Variants in EPHA6 observed in about 807,000 individuals in gnomAD.
EPHA6 encodes ephrin type-A receptor 6.
A neutral mutation model predicts 112.0 loss-of-function variants in EPHA6; 50 were observed. The observed-to-expected ratio is 0.45, with a 90% CI of 0.36 to 0.56. EPHA6 has a LOEUF of 0.56. Among genes scored for constraint, EPHA6 ranks in the 20% least tolerant of loss-of-function variants. The pLI, the probability that EPHA6 is intolerant of heterozygous loss-of-function variation, is 0.00. For synonymous variants in EPHA6, 529 were observed against 490.7 expected, an observed-to-expected ratio of 1.08 and a Z score of -1.03; for missense variants, 1,280 against 1,417.4, an observed-to-expected ratio of 0.90 and a Z score of 1.56.
At position 97,286,784 on chromosome 3, in the gene EPHA6, A is replaced by G. The variant is rs537210100; in HGVS notation, c.1606+42497A>G. Among the ~76,000 whole-genome samples the G allele has an allele frequency of 4.6e-5, 7 of 151,572 alleles. No homozygotes were observed. In the East Asian group the frequency reaches 1.2e-3, roughly 25 times the overall value. ...TTTTCTAGTTCTGTGAAAAAATCAC[A>G]TTGGTATTTTATAGCAATTGAATTG... On this transcript the variant is annotated intron_variant, in intron 5 of 17. Transcript: ENST00000389672.
At chr3:97,059,238 T>C (rs2045945180) in intron 3 of EPHA6, among the ~76,000 whole-genome samples, 1 of 152,320 alleles carries the variant, frequency 6.6e-6, no homozygotes, top group South Asian at 2.1e-4. Flanking sequence ...ATCAAATTTT[T>C]CTTCTCAAAT....
At chr3:96,922,704 T>C (rs2039831610) in intron 2 of EPHA6, among the ~76,000 whole-genome samples, 1 of 152,118 alleles carries the variant, frequency 6.6e-6, no homozygotes, top group Non-Finnish European at 1.5e-5. Flanking sequence ...GTTTGTTACA[T>C]AGATAAACAT....
At chr3:96,859,403 A>G (rs2035883834) in intron 1 of EPHA6, among the ~76,000 whole-genome samples, 1 of 143,928 alleles carries the variant, frequency 6.9e-6, no homozygotes, top group Non-Finnish European at 1.5e-5. Flanking sequence ...TTTTTTTGAG[A>G]CAGGGTCTTG....
At position 97,411,178 on chromosome 3, in the gene EPHA6, C is replaced by T. The variant is rs116442886; in HGVS notation, c.1731+5904C>T. On this transcript the variant is annotated intron_variant, in intron 6 of 17. Transcript: ENST00000389672. Reference sequence around the variant, plus strand: ...GCAAGGGAATTTACTGATACAAACACTCATAAAGGTTTTATATCCAATTTC... The same window carrying T: ...GCAAGGGAATTTACTGATACAAACATTCATAAAGGTTTTATATCCAATTTC... 5.9e-4 allele frequency among the ~76,000 whole-genome samples: 90 copies of T among 151,734 alleles called. 1 individual carries two copies. In the East Asian group the frequency reaches 6.0e-3, roughly 10 times the overall value.
chr3:97,711,832 C>T (rs1489978327), intron 14 of EPHA6, among the ~76,000 whole-genome samples: 1 of 152,182 alleles, frequency 6.6e-6, no homozygotes, highest in African/African-American at 2.4e-5. Context: ...GCTATCTGGT[C>T]ATCCCTCAGG....
At position 97,385,439 on chromosome 3, in the gene EPHA6, G is replaced by A. The variant is rs540099421; in HGVS notation, c.1607-19711G>A. Among the ~76,000 whole-genome samples the A allele has an allele frequency of 4.6e-5, 7 of 152,136 alleles. No homozygotes were observed. In the South Asian group the frequency reaches 1.2e-3, roughly 27 times the overall value. On this transcript the variant is annotated intron_variant, in intron 5 of 17. Transcript: ENST00000389672. ...AGACATAACATAATCTAGAATAAAA[G>A]GACATAGTATGTACTTAGGGAAAAA...
chr3:97,631,373 C>G (rs190981410), intron 13 of EPHA6, among the ~76,000 whole-genome samples: 40 of 152,064 alleles, frequency 2.6e-4, no homozygotes, highest in African/African-American at 9.6e-4. Flanking sequence ...GTTTGCATAC[C>G]TTGGTCTTTT....
intron 6 of EPHA6, among the ~76,000 whole-genome samples, chr3:97,436,810 T>C (rs55965602): frequency 6.6e-6 from 1 of 152,184 alleles, no homozygotes. Context: ...GGTAATTTCA[T>C]CTTCAAAGAA....
intron 5 of EPHA6, among the ~76,000 whole-genome samples, chr3:97,348,361 A>G (rs1358587782): frequency 6.6e-6 from 1 of 152,112 alleles, no homozygotes; most frequent in Non-Finnish European, 1.5e-5. Context: ...AAAGTTTAAG[A>G]GCAAGTGAAT....
rs1267109864 is a variant in EPHA6 at position 97,757,712 on chromosome 3, AC to A, written c.*9012del. ...TACACATACTCTTAAATGCTTAAAA[AC>A]ATAGTACTTACATATTAATTTTATG... On this transcript the variant is annotated 3_prime_UTR_variant, in exon 18 of 18. Transcript: ENST00000389672. Among the ~76,000 whole-genome samples, 7 of 151,994 alleles carry A rather than the reference AC, an allele frequency of 4.6e-5. No individual in the cohort carries two copies. Among genetic ancestry groups the A allele is most frequent in the African/African-American group, 1.4e-4 (6 of 41,578 alleles).
intron 2 of EPHA6, among the ~76,000 whole-genome samples, chr3:96,940,218 A>G (rs1025865470): frequency 4.6e-5 from 7 of 152,210 alleles, no homozygotes; most frequent in South Asian, 2.1e-4. Flanking sequence ...GTCTTCCATT[A>G]TTATTGTGTG....
intron 2 of EPHA6, among the ~76,000 whole-genome samples, chr3:96,928,079 A>AC (rs1397265882): frequency 2.0e-5 from 3 of 152,056 alleles, no homozygotes; most frequent in Non-Finnish European, 1.5e-5. Flanking sequence ...AGGGTGAACC[A>AC]CCCCCATGAC....
chr3:96,851,117 G>A (rs1021287442), intron 1 of EPHA6, among the ~76,000 whole-genome samples: 1 of 152,104 alleles, frequency 6.6e-6, no homozygotes, highest in African/African-American at 2.4e-5. Context: ...AAGGCAGTGT[G>A]TCTGGGGACA....
At chr3:97,407,192 A>G (rs2087406858) in intron 6 of EPHA6, among the ~76,000 whole-genome samples, 1 of 152,088 alleles carries the variant, frequency 6.6e-6, no homozygotes, top group African/African-American at 2.4e-5. Flanking sequence ...TGATTCTAAA[A>G]GGACCTAGAA....
intron 2 of EPHA6, among the ~76,000 whole-genome samples, chr3:96,984,758 G>C (rs186947512): frequency 6.6e-6 from 1 of 152,138 alleles, no homozygotes; most frequent in Non-Finnish European, 1.5e-5. Flanking sequence ...AATGGTGGGC[G>C]TCCCTCCCCC....
At chr3:97,481,373 G>A in intron 9 of EPHA6, 1 of 1,527,646 alleles carries the variant, frequency 6.5e-7, no homozygotes, top group Non-Finnish European at 9.1e-7. Flanking sequence ...CTGAGAAGGA[G>A]TTTCTACTCC....
intron 5 of EPHA6, among the ~76,000 whole-genome samples, chr3:97,292,370 G>A (rs1482532437): frequency 1.3e-5 from 2 of 152,216 alleles, no homozygotes; most frequent in Non-Finnish European, 2.9e-5. Flanking sequence ...AACTCTTTCC[G>A]TCCTGCCATT....
chr3:97,543,636 T>G (rs1482699106), intron 11 of EPHA6, among the ~76,000 whole-genome samples: 1 of 152,116 alleles, frequency 6.6e-6, no homozygotes, highest in Non-Finnish European at 1.5e-5. Flanking sequence ...GTGAAGAAAG[T>G]CGTTGGTAGC....
intron 3 of EPHA6, among the ~76,000 whole-genome samples, chr3:97,184,757 G>T (rs1005107915): frequency 5.3e-5 from 8 of 152,106 alleles, no homozygotes; most frequent in African/African-American, 1.9e-4. Context: ...ACATTGCCAA[G>T]TCAATCCTAA....
Sources: gnomAD v4.1 joint callset for allele counts (sites outside exome capture counted in the v4.1 genomes callset) on GRCh38, gnomAD v4.1.1 for gene constraint, MANE v1.5 for transcripts, NCBI Gene and HGNC (gene_info 2026-07-23, HGNC 2026-07-21) for gene names.